SFI1: variants seen among roughly 807,000 people sequenced by gnomAD.
SFI1 encodes the protein protein SFI1 homolog.
Under a neutral mutation model 207.5 loss-of-function variants are expected in SFI1, and 195 were observed. That is an observed-to-expected ratio of 0.94 (90% CI 0.84 to 1.06). The LOEUF (loss-of-function observed/expected upper bound fraction) is 1.06. SFI1 is among the 50% of genes least tolerant of loss of function. The pLI, the probability that SFI1 is intolerant of heterozygous loss-of-function variation, is 0.00. For missense variants in SFI1, 1,634 were observed against 1,588.0 expected (o/e 1.03, Z -0.49); for synonymous variants, 630 against 598.9 (o/e 1.05, Z -0.76).
intron 4 of SFI1, among the ~76,000 whole-genome samples, chr22:31,545,365 C>CA (rs566137983): frequency 0.026 from 3,546 of 135,480 alleles, 125 homozygotes; most frequent in African/African-American, 0.09. Flanking sequence ...AACTCCGTCT[C>CA]AAAAAAAAAA....
chr22:31,606,379 C>CA lies in SFI1; in HGVS notation c.2113dup (p.Thr705AsnfsTer252). 6.2e-7 allele frequency: 1 copy of CA among 1,613,632 alleles called. No homozygotes were observed. Among genetic ancestry groups the CA allele is most frequent in the Non-Finnish European group, 8.5e-7 (1 of 1,179,960 alleles). On this transcript the variant is annotated frameshift_variant, in exon 21 of 33. Coordinates refer to ENST00000400288, the MANE Select transcript of SFI1 (RefSeq NM_001007467.3). LOFTEE classifies it high-confidence loss of function. ...ACACCATGGCCCGAGTGGATGAAGCCAAAAAAACCTTTCAAGCAAGTACTC... is the reference window on the plus strand; with the variant it reads ...ACACCATGGCCCGAGTGGATGAAGCCAAAAAAAACCTTTCAAGCAAGTACTC...
At chr22:31,532,834 G>T (rs996850348) in intron 4 of SFI1, among the ~76,000 whole-genome samples, 1 of 152,186 alleles carries the variant, frequency 6.6e-6, no homozygotes, top group Non-Finnish European at 1.5e-5. Flanking sequence ...ACTGAGCGAG[G>T]AGGTAGGAGA....
intron 2 of SFI1, among the ~76,000 whole-genome samples, chr22:31,528,427 CAA>C (rs1208684314): frequency 6.6e-6 from 1 of 152,074 alleles, no homozygotes; most frequent in Admixed American, 6.6e-5. Flanking sequence ...CTGTCTCAAA[CAA>C]AAGAAAACTG....
intron 31 of SFI1, 30 bp downstream of exon 31, chr22:31,617,108 G>A: frequency 5.0e-6 from 8 of 1,611,888 alleles, no homozygotes; most frequent in Non-Finnish European, 5.9e-6. Context: ...CTGCAGCCCT[G>A]GCTACAGGAG....
rs780358665 is a variant in SFI1, at chr22:31,606,418, C to T, written c.2145C>T (p.Thr715=). ...TFQASTHYRR[T]ICSKVLVQWR... is the part of the protein sequence containing the mutation. ...AAGCAAGTACTCATTACAGAAGGAC[C>T]ATATGTTCCAAGGTGAGGTATAAGG... Residue 715 remains threonine (T), a synonymous_variant, in exon 21 of 33, where the codon ACC becomes ACT. Coordinates refer to ENST00000400288, the MANE Select transcript of SFI1 (RefSeq NM_001007467.3). 1.2e-6 allele frequency: 2 copies of T among 1,613,604 alleles called. No homozygotes were observed. Among genetic ancestry groups the T allele is most frequent in the South Asian group, 2.2e-5 (2 of 91,082 alleles).
At chr22:31,534,748 TA>T (rs2058814114) in intron 4 of SFI1, among the ~76,000 whole-genome samples, 1 of 152,114 alleles carries the variant, frequency 6.6e-6, no homozygotes, top group Admixed American at 6.6e-5. Context: ...TATAATCTTT[TA>T]TCTCATTTTG....
At chr22:31,572,881 T>C in intron 8 of SFI1, 177 bp from the exon 9 acceptor site, 1 of 537,534 alleles carries the variant, frequency 1.9e-6, no homozygotes, top group Non-Finnish European at 3.3e-6. Flanking sequence ...AATGTCCCTC[T>C]TAAAGACCCT....
Position 31,615,074 on chromosome 22 carries a change from T to C in SFI1, c.3095T>C (p.Leu1032Pro). The C allele has an allele frequency of 6.2e-7, 1 of 1,608,594 alleles. No individual in the cohort carries two copies. The highest frequency in any genetic ancestry group is 8.5e-7 in the Non-Finnish European group (1 of 1,177,826). The change falls in exon 29 of 33, where the codon CTA (leucine) becomes CCA (proline). Residue 1032 changes from leucine to proline, a missense_variant. Leu to Pro is a moderately conservative substitution (Grantham distance 98). Coordinates refer to ENST00000400288, the MANE Select transcript of SFI1 (RefSeq NM_001007467.3). ...CCTCAGAAGCCACAGGAACATGGCCTAGGCATGGCTCAGCCAGCAGCCCCC... is the reference window on the plus strand; with the variant it reads ...CCTCAGAAGCCACAGGAACATGGCCCAGGCATGGCTCAGCCAGCAGCCCCC... The part of the protein sequence containing the change: ...QRPQKPQEHG[L>P]GMAQPAAPSL...
In SFI1 at chr22:31,608,025, T is replaced by C. The variant is rs755173463; in HGVS notation, c.2246T>C (p.Leu749Pro). Residue 749 changes from leucine (L) to proline (P), a missense_variant, in exon 22 of 33, where the codon CTG becomes CCG. Transcript: ENST00000400288. ...GCCATCTGGGAGGCCCAGAAGGTGCTGGACAGGGGTAAGTGGGGCCCCAGA... is the reference window on the plus strand; with the variant it reads ...GCCATCTGGGAGGCCCAGAAGGTGCCGGACAGGGGTAAGTGGGGCCCCAGA... ...DCAIWEAQKV[L>P]DRGCLRTWFQ... is the part of the protein sequence containing the mutation. 2 of 1,613,754 alleles carry C rather than the reference T, an allele frequency of 1.2e-6. No homozygotes were observed. The highest frequency in any genetic ancestry group is 2.2e-5 in the South Asian group (2 of 91,050).
intron 18 of SFI1, among the ~76,000 whole-genome samples, 190 bp downstream of exon 18, chr22:31,604,009 T>TC (rs1234935136): frequency 1.3e-5 from 2 of 152,216 alleles, no homozygotes; most frequent in Non-Finnish European, 2.9e-5. Flanking sequence ...TTCTTTCAGA[T>TC]CCTAGGCTGT....
At chr22:31,601,446 C>T (rs1414348238) in intron 15 of SFI1, among the ~76,000 whole-genome samples, 1 of 152,100 alleles carries the variant, frequency 6.6e-6, no homozygotes, top group African/African-American at 2.4e-5. Flanking sequence ...TTCTAATTCA[C>T]CTGAAATACT....
intron 28 of SFI1, 70 bp from the exon 29 acceptor site, chr22:31,614,973 CCCTTT>C (rs1569469455): frequency 6.4e-7 from 1 of 1,574,642 alleles, no homozygotes; most frequent in South Asian, 1.1e-5. Flanking sequence ...GTGGGTGGCC[CCCTTT>C]CCTTCTTGTT....
intron 6 of SFI1, among the ~76,000 whole-genome samples, chr22:31,555,424 G>T (rs896364954): frequency 1.3e-5 from 2 of 152,130 alleles, no homozygotes; most frequent in African/African-American, 4.8e-5. Context: ...GTTATTTCAG[G>T]CCATTCCCCT....
chr22:31,557,078 C>T lies in SFI1; in HGVS notation c.662+19C>T. 1 of 1,481,956 alleles carries T rather than the reference C, an allele frequency of 6.7e-7. No individual in the cohort carries two copies. Among genetic ancestry groups the T allele is most frequent in the Non-Finnish European group, 9.3e-7 (1 of 1,075,562 alleles). The allele number at this position is 1,481,956 out of a possible 1,614,324, so 91.8% of individuals were successfully genotyped here. On this transcript the variant is annotated intron_variant, in intron 7 of 32. Transcript: ENST00000400288. ...TCTTACGGTGAGTCTGCTCAACTGCCCTACAAAGTACCAGCCATCATTTTA... is the reference window on the plus strand; with the variant it reads ...TCTTACGGTGAGTCTGCTCAACTGCTCTACAAAGTACCAGCCATCATTTTA...
At chr22:31,528,084 G>T (rs2058106456) in intron 2 of SFI1, among the ~76,000 whole-genome samples, 1 of 152,056 alleles carries the variant, frequency 6.6e-6, no homozygotes, top group Non-Finnish European at 1.5e-5. Context: ...CTGCACTCCA[G>T]CCTGGGCAAC....
rs747569400 is a variant in SFI1 at position 31,602,197 on chromosome 22, T to C, written c.1545-15T>C. ...TGTTTGTTTTAAGTGCTTTACATTCTTCCTTGTTTTTTAGGGAGACATTAG... is the reference window on the plus strand; with the variant it reads ...TGTTTGTTTTAAGTGCTTTACATTCCTCCTTGTTTTTTAGGGAGACATTAG... On this transcript the variant is annotated splice_polypyrimidine_tract_variant and intron_variant, in intron 15 of 32. Transcript: ENST00000400288. The C allele has an allele frequency of 1.3e-5, 21 of 1,605,776 alleles. No individual in the cohort carries two copies. The highest frequency in any genetic ancestry group is 6.7e-5 in the East Asian group (3 of 44,854).
At chr22:31,605,075 G>A (rs964325397) in intron 20 of SFI1, 130 bp downstream of exon 20, 5 of 753,442 alleles carry the variant, frequency 6.6e-6, no homozygotes, top group East Asian at 3.0e-5. Flanking sequence ...CTAATATCAT[G>A]GTCTTGGCTT....
At chr22:31,541,424 A>G (rs1224759597) in intron 4 of SFI1, among the ~76,000 whole-genome samples, 1 of 152,044 alleles carries the variant, frequency 6.6e-6, no homozygotes, top group African/African-American at 2.4e-5. Context: ...GGTTATGTTC[A>G]TTTCACCATG....
intron 12 of SFI1, among the ~76,000 whole-genome samples, chr22:31,580,789 C>T (rs2064056150): frequency 2.6e-5 from 4 of 152,020 alleles, no homozygotes; most frequent in Admixed American, 6.6e-5. Context: ...ATGATCCACC[C>T]GCCTCAGCCT....
Sources: allele counts gnomAD v4.1 joint callset (sites outside exome capture counted in the v4.1 genomes callset), GRCh38; gene constraint gnomAD v4.1.1; transcripts MANE v1.5; gene names NCBI Gene and HGNC (gene_info 2026-07-23, HGNC 2026-07-21).